TMEM164: variants seen among roughly 807,000 people sequenced by gnomAD.
TMEM164 encodes the protein RP13-360B22.2.
Under a neutral mutation model 18.8 loss-of-function variants are expected in TMEM164, and 4 were observed. That is an observed-to-expected ratio of 0.21 (90% CI 0.10 to 0.49). The LOEUF (loss-of-function observed/expected upper bound fraction) is 0.49. Ranked by LOEUF, TMEM164 falls within the 20% of genes least tolerant of loss-of-function variation. The pLI, the probability that TMEM164 is intolerant of heterozygous loss-of-function variation, is 0.98. For missense variants in TMEM164, 108 were observed against 239.9 expected, an observed-to-expected ratio of 0.45 and a Z score of 3.63; for synonymous variants, 86 against 101.7, an observed-to-expected ratio of 0.85 and a Z score of 0.93.
At chrX:110,093,948 A>G (rs991705391) in intron 3 of TMEM164, among the ~76,000 whole-genome samples, 3 of 111,575 alleles carry the variant, frequency 2.7e-5, no homozygotes, top group African/African-American at 9.8e-5. Flanking sequence ...TTATGTACCC[A>G]GTAGTCATTC....
intron 6 of TMEM164, among the ~76,000 whole-genome samples, chrX:110,173,020 C>G (rs959699273): frequency 8.9e-6 from 1 of 112,109 alleles, no homozygotes; most frequent in African/African-American, 3.2e-5. Context: ...GTGAGCAAAA[C>G]TGAATAGCTT....
intron 2 of TMEM164, 46 bp downstream of exon 2, chrX:110,004,210 A>G (rs781383535): frequency 2.6e-6 from 3 of 1,155,594 alleles, no homozygotes; most frequent in Non-Finnish European, 3.5e-6. Context: ...GATAAGAGTC[A>G]TTTATGTGCT....
At chrX:110,102,679 TA>T (rs1215457476) in intron 3 of TMEM164, among the ~76,000 whole-genome samples, 5 of 112,226 alleles carry the variant, frequency 4.5e-5, no homozygotes. Flanking sequence ...GGTCTTATTT[TA>T]TTAAATTCTC....
At chrX:110,117,913 G>A (rs985895115) in intron 4 of TMEM164, among the ~76,000 whole-genome samples, 4 of 111,921 alleles carry the variant, frequency 3.6e-5, no homozygotes, top group African/African-American at 1.3e-4. Context: ...TACCACTCCA[G>A]TATATTTCTT....
chrX:110,183,129 G>A (rs200991874), downstream of TMEM164, among the ~76,000 whole-genome samples: 7 of 112,279 alleles, frequency 6.2e-5, no homozygotes, highest in South Asian at 1.1e-3. Flanking sequence ...GCCTGAGGGC[G>A]GTCCTCCCCT....
At chrX:110,080,507 T>C (rs913425177) in intron 3 of TMEM164, among the ~76,000 whole-genome samples, 2 of 111,857 alleles carry the variant, frequency 1.8e-5, no homozygotes, top group Non-Finnish European at 3.8e-5. Context: ...AGATCTCTTC[T>C]GTCATTCTTT....
chrX:110,154,380 A>G (rs2066987327), intron 5 of TMEM164, among the ~76,000 whole-genome samples: 1 of 111,575 alleles, frequency 9.0e-6, no homozygotes, highest in African/African-American at 3.3e-5. Context: ...CAAGGAGTGC[A>G]TAGTACCACC....
At chrX:110,049,839 A>T (rs1480081744) in intron 2 of TMEM164, among the ~76,000 whole-genome samples, 1 of 111,293 alleles carries the variant, frequency 9.0e-6, no homozygotes, top group Non-Finnish European at 1.9e-5. Flanking sequence ...GACATTCCTC[A>T]GTTCTCCATT....
chrX:110,047,305 A>T (rs1935356154), intron 2 of TMEM164, among the ~76,000 whole-genome samples: 1 of 112,379 alleles, frequency 8.9e-6, no homozygotes, highest in Admixed American at 9.4e-5. Flanking sequence ...GATGACACTT[A>T]ACACTCAAAC....
At chrX:110,020,808 G>A (rs994329349) in intron 2 of TMEM164, 3 of 429,010 alleles carry the variant, frequency 7.0e-6, no homozygotes, top group African/African-American at 2.7e-5. Flanking sequence ...AGAACATTGG[G>A]AAACAACCCA....
chrX:110,053,580 A>G (rs1193210108), intron 2 of TMEM164, among the ~76,000 whole-genome samples: 1 of 111,815 alleles, frequency 8.9e-6, no homozygotes, highest in African/African-American at 3.3e-5. Context: ...CATAGAGTTC[A>G]TTGGTGGTGG....
intron 5 of TMEM164, among the ~76,000 whole-genome samples, chrX:110,155,248 A>C (rs946021430): frequency 9.0e-6 from 1 of 110,548 alleles, no homozygotes; most frequent in African/African-American, 3.3e-5. Context: ...TGGTTCTCCT[A>C]CTTCTCTGGT....
At chrX:110,015,580 T>TGTGC (rs1433935940) in intron 2 of TMEM164, among the ~76,000 whole-genome samples, 69 of 108,295 alleles carry the variant, frequency 6.4e-4, no homozygotes, top group African/African-American at 2.2e-3. Flanking sequence ...TGTGTGTGTG[T>TGTGC]GCGCGCCTGT....
At chrX:110,141,329 A>G (rs1381827952) in intron 4 of TMEM164, among the ~76,000 whole-genome samples, 3 of 111,972 alleles carry the variant, frequency 2.7e-5, no homozygotes, top group African/African-American at 9.7e-5. Context: ...ATTAAATGAG[A>G]TAACACTATG....
At chrX:110,078,491 A>T (rs2065705124) in intron 3 of TMEM164, among the ~76,000 whole-genome samples, 1 of 111,881 alleles carries the variant, frequency 8.9e-6, no homozygotes, top group South Asian at 3.7e-4. Context: ...ATTGCTGTGG[A>T]GCTAGTGTGA....
chrX:110,140,271 G>C (rs1375622679), intron 4 of TMEM164, among the ~76,000 whole-genome samples: 1 of 111,569 alleles, frequency 9.0e-6, no homozygotes, highest in African/African-American at 3.3e-5. Flanking sequence ...AGAGAGAATG[G>C]TCTGGAAGAG....
At chrX:110,044,677 C>A (rs1232063706) in intron 2 of TMEM164, among the ~76,000 whole-genome samples, 15 of 94,580 alleles carry the variant, frequency 1.6e-4, no homozygotes, top group Non-Finnish European at 2.0e-5. Flanking sequence ...TTTGGAACTC[C>A]TGGGCTCACA....
At chrX:110,181,374 T>A (rs112207847), downstream of TMEM164, among the ~76,000 whole-genome samples, 6,640 of 112,174 alleles carry the variant, frequency 0.059, 507 homozygotes, top group African/African-American at 0.2. Context: ...CACCTCAGGG[T>A]TGCTGGAGAG....
intron 3 of TMEM164, among the ~76,000 whole-genome samples, chrX:110,106,511 C>G (rs2066204843): frequency 9.1e-6 from 1 of 110,078 alleles, no homozygotes; most frequent in Non-Finnish European, 1.9e-5. Flanking sequence ...GTAGCTGGGA[C>G]TACAGACGCC....
Sources: gnomAD v4.1 joint callset for allele counts (sites outside exome capture counted in the v4.1 genomes callset) on GRCh38, gnomAD v4.1.1 for gene constraint, MANE v1.5 for transcripts, NCBI Gene and HGNC (gene_info 2026-07-23, HGNC 2026-07-21) for gene names.